PRKCE: variants seen among roughly 807,000 people sequenced by gnomAD.
PRKCE encodes protein kinase C epsilon type.
In PRKCE, 16 loss-of-function variants were observed where a neutral mutation model predicts 85.4. That is an observed-to-expected ratio of 0.19 (90% CI 0.13 to 0.28). The LOEUF is 0.28. PRKCE is among the 10% of genes least tolerant of loss of function. The pLI is 1.00. For synonymous variants in PRKCE, 388 were observed against 371.5 expected (o/e 1.04, Z -0.51); for missense variants, 573 against 975.2 (o/e 0.59, Z 5.49).
At chr2:46,101,859 C>CAAA (rs56811595) in intron 11 of PRKCE, among the ~76,000 whole-genome samples, 2 of 114,078 alleles carry the variant, frequency 1.8e-5, no homozygotes, top group South Asian at 2.9e-4. Flanking sequence ...AACTGGCTTT[C>CAAA]AAAAAAAAAA....
At chr2:45,796,314 C>T (rs1304056434) in intron 1 of PRKCE, among the ~76,000 whole-genome samples, 1 of 152,180 alleles carries the variant, frequency 6.6e-6, no homozygotes, top group East Asian at 1.9e-4. Flanking sequence ...AAACCTTGGA[C>T]TGTTACTGAA....
intron 11 of PRKCE, among the ~76,000 whole-genome samples, chr2:46,130,685 G>A (rs574258223): frequency 9.2e-5 from 14 of 152,220 alleles, no homozygotes; most frequent in African/African-American, 2.6e-4. Flanking sequence ...TATTCCTTCC[G>A]CAGACCTCAT....
chr2:45,857,567 A>G (rs1408389251), intron 2 of PRKCE, among the ~76,000 whole-genome samples: 1 of 151,964 alleles, frequency 6.6e-6, no homozygotes, highest in Non-Finnish European at 1.5e-5. Context: ...GTTTCGATGG[A>G]TTGATTGGTT....
chr2:46,099,839 C>G (rs1213491816), intron 11 of PRKCE, among the ~76,000 whole-genome samples: 1 of 152,180 alleles, frequency 6.6e-6, no homozygotes, highest in Non-Finnish European at 1.5e-5. Flanking sequence ...ATGGACTTCT[C>G]ACTGGACCGC....
At chr2:45,912,438 A>T (rs1045208394) in intron 2 of PRKCE, among the ~76,000 whole-genome samples, 3 of 152,110 alleles carry the variant, frequency 2.0e-5, no homozygotes, top group Admixed American at 1.3e-4. Flanking sequence ...CTTAGCCTTC[A>T]CTTGGTGGAG....
chr2:45,936,016 G>A (rs1353797026), intron 2 of PRKCE, among the ~76,000 whole-genome samples: 1 of 152,192 alleles, frequency 6.6e-6, no homozygotes, highest in Non-Finnish European at 1.5e-5. Flanking sequence ...TATTGGTGAG[G>A]CAGCAGTGTG....
chr2:46,113,802 C>T (rs961521159), intron 11 of PRKCE, among the ~76,000 whole-genome samples: 26 of 152,082 alleles, frequency 1.7e-4, no homozygotes, highest in Admixed American at 1.1e-3. Context: ...TGACATGTGA[C>T]CCCTTCTCAT....
rs2104749859 is a variant in PRKCE, at chr2:46,185,053, A to G, written c.*172A>G. 1 of 841,210 alleles carries G rather than the reference A, an allele frequency of 1.2e-6. No homozygotes were observed. Among genetic ancestry groups the G allele is most frequent in the Non-Finnish European group, 1.8e-6 (1 of 558,772 alleles). The allele number at this position is 841,210 out of a possible 1,614,324, so 52.1% of individuals were successfully genotyped here. A position where few individuals can be genotyped will look rare whatever the true frequency, so the allele number is the denominator to read the frequency against. ...CCCCAGGCCACCTCCTCCCCCTCCC[A>G]CCTGGTGACCAGAAGGCGCTCTCGG... On this transcript the variant is annotated 3_prime_UTR_variant, in exon 15 of 15. Coordinates refer to ENST00000306156, the MANE Select transcript of PRKCE (RefSeq NM_005400.3). The surrounding 1 kb of genome is among the most constrained non-coding windows in gnomAD (Gnocchi z 4.7).
chr2:45,794,105 C>T (rs1458395398), intron 1 of PRKCE, among the ~76,000 whole-genome samples: 1 of 152,148 alleles, frequency 6.6e-6, no homozygotes, highest in South Asian at 2.1e-4. Flanking sequence ...GCAGATGTTT[C>T]AGCTTGTTGC....
At chr2:46,124,873 T>G (rs1239054621) in intron 11 of PRKCE, among the ~76,000 whole-genome samples, 1 of 152,218 alleles carries the variant, frequency 6.6e-6, no homozygotes, top group East Asian at 1.9e-4. Context: ...ATTTCTCCAC[T>G]AGCAACCTCC....
chr2:45,690,530 C>G (rs988799406), intron 1 of PRKCE, among the ~76,000 whole-genome samples: 10 of 152,174 alleles, frequency 6.6e-5, no homozygotes, highest in Non-Finnish European at 1.5e-4. Flanking sequence ...CTGTTGGTGA[C>G]TGGGTCACTG....
intron 1 of PRKCE, among the ~76,000 whole-genome samples, chr2:45,746,420 G>A (rs957873852): frequency 1.3e-5 from 2 of 152,156 alleles, no homozygotes; most frequent in Non-Finnish European, 2.9e-5. Context: ...CATAGTGGGT[G>A]CTCAAAATAT....
At chr2:45,771,747 T>C (rs1223338891) in intron 1 of PRKCE, among the ~76,000 whole-genome samples, 1 of 118,018 alleles carries the variant, frequency 8.5e-6, no homozygotes, top group Non-Finnish European at 2.0e-5. Flanking sequence ...GAGTGTGTGT[T>C]GGGGGCTGGC....
chr2:45,751,345 A>T (rs150478440), intron 1 of PRKCE, among the ~76,000 whole-genome samples: 1 of 152,254 alleles, frequency 6.6e-6, no homozygotes, highest in Admixed American at 6.5e-5. Context: ...ATTGTTCAAT[A>T]TGTTATCACA....
intron 1 of PRKCE, among the ~76,000 whole-genome samples, chr2:45,666,171 G>A (rs539596225): frequency 9.9e-5 from 15 of 152,168 alleles, no homozygotes; most frequent in African/African-American, 1.7e-4. Flanking sequence ...TATTTCCTTC[G>A]TTTTAGAAAA....
intron 2 of PRKCE, among the ~76,000 whole-genome samples, chr2:45,961,843 G>T (rs1701402561): frequency 6.6e-6 from 1 of 152,162 alleles, no homozygotes; most frequent in Non-Finnish European, 1.5e-5. Flanking sequence ...TTACAGGCAT[G>T]TGCCGCGAAG....
chr2:45,721,289 A>G (rs1680597866), intron 1 of PRKCE, among the ~76,000 whole-genome samples: 1 of 152,178 alleles, frequency 6.6e-6, no homozygotes. Context: ...CCATTTTCAC[A>G]GTTCCACATT....
chr2:46,101,436 G>A lies in PRKCE; in HGVS notation c.1592+15074G>A, dbSNP rs550335632. On this transcript the variant is annotated intron_variant, in intron 11 of 14. Transcript: ENST00000306156. ...CCAGAGAAAGAGGACATGGAAGAGT[G>A]GCCCAAGGAGTGGGAATAGCATGTG... is the stretch of plus-strand genomic sequence containing the variant. 1.8e-4 allele frequency among the ~76,000 whole-genome samples: 28 copies of A among 152,306 alleles called. No individual in the cohort carries two copies. In the South Asian group the frequency reaches 5.8e-3, roughly 32 times the overall value.
intron 2 of PRKCE, among the ~76,000 whole-genome samples, chr2:45,964,718 C>T (rs1473706261): frequency 6.6e-6 from 1 of 152,190 alleles, no homozygotes; most frequent in Non-Finnish European, 1.5e-5. Context: ...TCTTTGTGTT[C>T]AACACAGTGT....
Sources: allele counts gnomAD v4.1 joint callset (sites outside exome capture counted in the v4.1 genomes callset), GRCh38; gene constraint gnomAD v4.1.1; non-coding constraint Gnocchi (gnomAD v3.1); transcripts MANE v1.5; gene names NCBI Gene and HGNC (gene_info 2026-07-23, HGNC 2026-07-21).